PKHD1: variants seen among roughly 807,000 people sequenced by gnomAD.
The protein encoded by PKHD1 is fibrocystin.
Under a neutral mutation model 412.0 loss-of-function variants are expected in PKHD1, and 291 were observed. That is an observed-to-expected ratio of 0.71 (90% CI 0.64 to 0.78). The LOEUF (loss-of-function observed/expected upper bound fraction) is 0.78, where lower values mean the gene tolerates loss of function less well. Among genes scored for constraint, PKHD1 ranks in the 30% least tolerant of loss-of-function variants. The pLI is 0.00. For missense variants in PKHD1, 4,825 were observed against 4,950.7 expected (o/e 0.97, Z 0.76); for synonymous variants, 1,777 against 1,821.5 (o/e 0.98, Z 0.62).
At chr6:51,981,734 C>T (rs1290816734) in intron 35 of PKHD1, among the ~76,000 whole-genome samples, 4 of 143,276 alleles carry the variant, frequency 2.8e-5, no homozygotes, top group African/African-American at 7.3e-5. Context: ...TCTGCCCAGC[C>T]GCCACCCCGT....
At chr6:51,978,150 G>C (rs971777847) in intron 35 of PKHD1, among the ~76,000 whole-genome samples, 2 of 152,124 alleles carry the variant, frequency 1.3e-5, no homozygotes, top group African/African-American at 4.8e-5. Flanking sequence ...AACTCCTAGA[G>C]GAAGGAAGGA....
At chr6:51,971,605 G>T (rs1423028767) in intron 35 of PKHD1, among the ~76,000 whole-genome samples, 6 of 152,130 alleles carry the variant, frequency 3.9e-5, no homozygotes, top group African/African-American at 9.7e-5. Context: ...TTACTATCTA[G>T]GCTGAAGAAA....
chr6:51,898,983 G>A (rs970870608), intron 43 of PKHD1, among the ~76,000 whole-genome samples: 3 of 152,166 alleles, frequency 2.0e-5, no homozygotes, highest in African/African-American at 7.2e-5. Context: ...TTGAATCTCT[G>A]AATAGACCAA....
chr6:52,077,871 C>G (rs1371393819), intron 5 of PKHD1, among the ~76,000 whole-genome samples: 1 of 151,874 alleles, frequency 6.6e-6, no homozygotes, highest in Non-Finnish European at 1.5e-5. Flanking sequence ...CAGTCCCCAC[C>G]CCACCCTCCC....
intron 60 of PKHD1, chr6:51,721,918 C>A: frequency 6.2e-7 from 1 of 1,611,486 alleles, no homozygotes; most frequent in Non-Finnish European, 8.5e-7. Flanking sequence ...ATGCTCCAAC[C>A]CATTCTTCAC....
chr6:52,068,593 G>A (rs1313969676), intron 11 of PKHD1, among the ~76,000 whole-genome samples: 1 of 152,168 alleles, frequency 6.6e-6, no homozygotes, highest in African/African-American at 2.4e-5. Context: ...GTAAAATGGG[G>A]CTAATGTTAA....
chr6:52,021,890 A>T (rs755998427), intron 33 of PKHD1, among the ~76,000 whole-genome samples: 13 of 152,142 alleles, frequency 8.5e-5, no homozygotes, highest in Non-Finnish European at 1.8e-4. Context: ...TCATTTTGTA[A>T]ATCTTTAGCC....
intron 52 of PKHD1, among the ~76,000 whole-genome samples, chr6:51,806,870 T>C (rs1763861013): frequency 6.6e-6 from 1 of 151,750 alleles, no homozygotes; most frequent in African/African-American, 2.4e-5. Flanking sequence ...GCAGAGAACA[T>C]CAGGTGGGAT....
intron 53 of PKHD1, among the ~76,000 whole-genome samples, chr6:51,779,465 CT>C (rs1407685087): frequency 1.3e-5 from 2 of 152,074 alleles, no homozygotes; most frequent in African/African-American, 4.8e-5. Context: ...TAAAACTATA[CT>C]GTAAGGGCCA....
At chr6:51,725,833 AACAATT>A (rs1782508403) in intron 60 of PKHD1, among the ~76,000 whole-genome samples, 1 of 152,184 alleles carries the variant, frequency 6.6e-6, no homozygotes, top group Admixed American at 6.5e-5. Flanking sequence ...TAGGGGGCTA[AACAATT>A]ACAGTCTTCA....
At chr6:51,749,636 A>T (rs1416686133) in intron 57 of PKHD1, among the ~76,000 whole-genome samples, 2 of 152,168 alleles carry the variant, frequency 1.3e-5, no homozygotes, top group Non-Finnish European at 2.9e-5. Context: ...AAAAAATCCT[A>T]TGAGGTAGGT....
intron 51 of PKHD1, among the ~76,000 whole-genome samples, 187 bp downstream of exon 51, chr6:51,836,217 T>C (rs1769180622): frequency 6.6e-6 from 1 of 152,198 alleles, no homozygotes. Flanking sequence ...AATCCACCTT[T>C]ATATCCTTTT....
chr6:51,990,250 G>A (rs1048590122), intron 35 of PKHD1, among the ~76,000 whole-genome samples: 1 of 151,804 alleles, frequency 6.6e-6, no homozygotes, highest in African/African-American at 2.4e-5. Context: ...GGCATCAATC[G>A]TAGCCTGACA....
At chr6:51,674,597 C>T (rs1775541773) in intron 60 of PKHD1, among the ~76,000 whole-genome samples, 1 of 152,124 alleles carries the variant, frequency 6.6e-6, no homozygotes, top group Admixed American at 6.5e-5. Flanking sequence ...AAGCATATTT[C>T]TAAACTTCTA....
At chr6:51,703,474 T>A (rs1453163652) in intron 60 of PKHD1, among the ~76,000 whole-genome samples, 6 of 151,912 alleles carry the variant, frequency 3.9e-5, no homozygotes, top group Admixed American at 1.3e-4. Flanking sequence ...AACTTCCCCC[T>A]AGCAGTCTCA....
chr6:51,742,294 A>C (rs901095701), intron 60 of PKHD1, among the ~76,000 whole-genome samples: 3 of 152,202 alleles, frequency 2.0e-5, no homozygotes, highest in African/African-American at 7.2e-5. Flanking sequence ...TAAAACCAAT[A>C]CTGTAGTCCT....
At chr6:52,028,073 A>G (rs1802488943) in intron 30 of PKHD1, 83 bp downstream of exon 30, 3 of 1,410,214 alleles carry the variant, frequency 2.1e-6, no homozygotes, top group Non-Finnish European at 3.0e-6. Flanking sequence ...GGAAAAAGAA[A>G]ATACCTAACT....
At chr6:52,083,709 G>GA (rs1812363164) in intron 2 of PKHD1, among the ~76,000 whole-genome samples, 2 of 151,890 alleles carry the variant, frequency 1.3e-5, no homozygotes, top group South Asian at 2.1e-4. Flanking sequence ...GTCCTGGAGA[G>GA]AAAAAAGGAC....
intron 60 of PKHD1, among the ~76,000 whole-genome samples, chr6:51,680,670 A>G (rs1448395090): frequency 2.0e-5 from 3 of 152,082 alleles, no homozygotes; most frequent in Non-Finnish European, 4.4e-5. Context: ...ATAATTTCCT[A>G]TTACAGACAG....
Sources: gnomAD v4.1 joint callset for allele counts (sites outside exome capture counted in the v4.1 genomes callset) on GRCh38, gnomAD v4.1.1 for gene constraint, MANE v1.5 for transcripts, NCBI Gene and HGNC (gene_info 2026-07-23, HGNC 2026-07-21) for gene names.